The following MARCO variants were observed in gnomAD, a reference collection of about 807,000 sequenced individuals.
MARCO encodes the protein macrophage receptor MARCO.
Under a neutral mutation model 70.0 loss-of-function variants are expected in MARCO, and 72 were observed. That is an observed-to-expected ratio of 1.03 (90% CI 0.85 to 1.25). The LOEUF (loss-of-function observed/expected upper bound fraction) is 1.25. MARCO is among the 50% of genes most tolerant of loss of function. The pLI is 0.00. For synonymous variants in MARCO, 273 were observed against 243.1 expected, an observed-to-expected ratio of 1.12 and a Z score of -1.14; for missense variants, 696 against 659.3, an observed-to-expected ratio of 1.06 and a Z score of -0.61.
intron 1 of MARCO, among the ~76,000 whole-genome samples, chr2:118,945,621 C>T (rs1158387803): frequency 6.6e-6 from 1 of 151,900 alleles, no homozygotes; most frequent in East Asian, 1.9e-4. Flanking sequence ...CCATGTTGGC[C>T]AAGCTGGTGT....
chr2:118,990,470 C>G, intron 12 of MARCO, 119 bp from the exon 13 acceptor site: 1 of 937,590 alleles, frequency 1.1e-6, no homozygotes, highest in Non-Finnish European at 1.7e-6. Flanking sequence ...TCGTGGAGAA[C>G]CAATGTATCT....
intron 8 of MARCO, 32 bp downstream of exon 8, chr2:118,977,967 C>A: frequency 6.7e-7 from 1 of 1,482,368 alleles, no homozygotes; most frequent in Non-Finnish European, 9.3e-7. Flanking sequence ...TCGGTGCTTG[C>A]CAGGAGGCCT....
At chr2:118,955,787 G>T (rs1470416128) in intron 1 of MARCO, among the ~76,000 whole-genome samples, 5 of 152,130 alleles carry the variant, frequency 3.3e-5, no homozygotes, top group Admixed American at 6.5e-5. Context: ...GAAGGGATTG[G>T]GGCCCTATCT....
chr2:118,953,207 AT>A (rs1472188492), intron 1 of MARCO, among the ~76,000 whole-genome samples: 1 of 152,248 alleles, frequency 6.6e-6, no homozygotes, highest in Admixed American at 6.5e-5. Flanking sequence ...AGGAAGGGGC[AT>A]AGGCTGTGAG....
chr2:118,971,567 C>T (rs746355220), intron 4 of MARCO, 33 bp downstream of exon 4: 6 of 1,612,144 alleles, frequency 3.7e-6, no homozygotes, highest in East Asian at 2.2e-5. Flanking sequence ...CCACCCTGCT[C>T]TTTCCCCAAA....
At chr2:118,956,715 T>G (rs1679844745) in intron 1 of MARCO, among the ~76,000 whole-genome samples, 1 of 152,080 alleles carries the variant, frequency 6.6e-6, no homozygotes, top group African/African-American at 2.4e-5. Context: ...TGCATGGAAC[T>G]TTCTCCAAGA....
rs143814759 is a variant in MARCO, at chr2:118,962,257, T to C, written c.98-6903T>C. On this transcript the variant is annotated intron_variant, in intron 1 of 16. Coordinates refer to ENST00000327097, the MANE Select transcript of MARCO (RefSeq NM_006770.4). ...TAGTTTCTTCTAATTCTGTGAAGAA[T>C]GTCAGTGGTAGTTTAATGGGAAATG... Among the ~76,000 whole-genome samples the C allele has an allele frequency of 8.8e-4, 134 of 152,320 alleles. 1 individual carries two copies. Among genetic ancestry groups the C allele is most frequent in the Non-Finnish European group, 1.6e-3 (106 of 68,010 alleles).
At chr2:118,981,732 A>G (rs772491613) in intron 10 of MARCO, 76 bp downstream of exon 10, 16 of 1,400,230 alleles carry the variant, frequency 1.1e-5, no homozygotes, top group Non-Finnish European at 1.6e-5. Context: ...ACCAGACACC[A>G]CCATCTTTTG....
At chr2:118,987,551 A>C (rs11904650) in intron 12 of MARCO, among the ~76,000 whole-genome samples, 1 of 152,050 alleles carries the variant, frequency 6.6e-6, no homozygotes, top group East Asian at 1.9e-4. Flanking sequence ...GTCTGGGAGG[A>C]TTCAGATGCG....
chr2:118,964,744 C>T (rs141808301), intron 1 of MARCO, among the ~76,000 whole-genome samples: 28 of 151,856 alleles, frequency 1.8e-4, no homozygotes, highest in Middle Eastern at 3.2e-3. Flanking sequence ...AAAAATTAGC[C>T]GGGCATGGTG....
intron 12 of MARCO, among the ~76,000 whole-genome samples, chr2:118,988,017 C>T (rs553545839): frequency 6.6e-6 from 1 of 152,342 alleles, no homozygotes; most frequent in African/African-American, 2.4e-5. Context: ...CCCATTCACT[C>T]TTATGTGACC....
chr2:118,956,854 G>A (rs951764923), intron 1 of MARCO, among the ~76,000 whole-genome samples: 16 of 152,104 alleles, frequency 1.1e-4, no homozygotes, highest in African/African-American at 3.6e-4. Flanking sequence ...TCAAAGCCAT[G>A]CAAATACATG....
At position 118,982,273 on chromosome 2, in the gene MARCO, T is replaced by C; in HGVS notation, c.1000+19T>C. Reference sequence around the variant, plus strand: ...CGAGCAGGTGAGGTCCTGGGTCCTATGGTGGGCACAGGGAGTGATGTGTGA... The same window carrying C: ...CGAGCAGGTGAGGTCCTGGGTCCTACGGTGGGCACAGGGAGTGATGTGTGA... On this transcript the variant is annotated intron_variant, in intron 11 of 16. Transcript: ENST00000327097. The C allele has an allele frequency of 6.2e-7, 1 of 1,611,464 alleles. No homozygotes were observed. The highest frequency in any genetic ancestry group is 1.3e-5 in the African/African-American group (1 of 74,878).
At chr2:118,944,624 C>G (rs1198177180) in intron 1 of MARCO, among the ~76,000 whole-genome samples, 9 of 151,460 alleles carry the variant, frequency 5.9e-5, no homozygotes, top group African/African-American at 1.7e-4. Flanking sequence ...ATATAAAATG[C>G]TGTTTTTCCC....
intron 1 of MARCO, 73 bp downstream of exon 1, chr2:118,942,470 C>A: frequency 8.3e-7 from 1 of 1,210,678 alleles, no homozygotes; most frequent in Non-Finnish European, 1.2e-6. Flanking sequence ...CGAAAATAGA[C>A]AAGTCAATAG....
chr2:118,955,644 A>G lies in MARCO; in HGVS notation c.97+13247A>G, dbSNP rs543798511. On this transcript the variant is annotated intron_variant, in intron 1 of 16. Coordinates refer to ENST00000327097, the MANE Select transcript of MARCO (RefSeq NM_006770.4). Reference sequence around the variant, plus strand: ...TGCAAAAAGATCTTCCCCTAGACACATTGTCATCAGGTTATCTAAAGTTAA... The same window carrying G: ...TGCAAAAAGATCTTCCCCTAGACACGTTGTCATCAGGTTATCTAAAGTTAA... Among the ~76,000 whole-genome samples, 3 of 152,300 alleles carry G rather than the reference A, an allele frequency of 2.0e-5. No individual in the cohort carries two copies. In the South Asian group the frequency reaches 6.2e-4, roughly 32 times the overall value.
At chr2:118,981,926 A>G (rs1573402553) in intron 10 of MARCO, among the ~76,000 whole-genome samples, 1 of 152,312 alleles carries the variant, frequency 6.6e-6, no homozygotes, top group Non-Finnish European at 1.5e-5. Context: ...TAGTAAGTCC[A>G]TAAGTCCCAG....
chr2:118,967,859 C>T lies in MARCO; in HGVS notation c.98-1301C>T, dbSNP rs538054524. Among the ~76,000 whole-genome samples the T allele has an allele frequency of 1.1e-4, 16 of 152,258 alleles. No homozygotes were observed. The South Asian group carries it at 3.3e-3, about 32-fold the overall frequency. ...GTTGGGCACACATTCCCTTGGGCTC[C>T]TTCATTATTGTCTGTTTCCCTTTCA... On this transcript the variant is annotated intron_variant, in intron 1 of 16. Coordinates refer to ENST00000327097, the MANE Select transcript of MARCO (RefSeq NM_006770.4).
At chr2:118,960,121 T>TAAG (rs776805440) in intron 1 of MARCO, among the ~76,000 whole-genome samples, 1 of 150,968 alleles carries the variant, frequency 6.6e-6, no homozygotes, top group African/African-American at 2.4e-5. Flanking sequence ...TAAAATAAAA[T>TAAG]AATAATAATA....
Sources: allele counts gnomAD v4.1 joint callset (sites outside exome capture counted in the v4.1 genomes callset), GRCh38; gene constraint gnomAD v4.1.1; transcripts MANE v1.5; gene names NCBI Gene and HGNC (gene_info 2026-07-23, HGNC 2026-07-21).